Variants in TENM4 observed in about 807,000 individuals in gnomAD.
TENM4 encodes the protein teneurin-4.
In TENM4, 82 loss-of-function variants were observed where a neutral mutation model predicts 243.3. The observed-to-expected ratio is 0.34, with a 90% CI of 0.28 to 0.40. The LOEUF (loss-of-function observed/expected upper bound fraction) is 0.40, where lower values mean the gene tolerates loss of function less well. TENM4 is among the 10% of genes least tolerant of loss of function. The pLI is 1.00. For missense variants in TENM4, 3,138 were observed against 3,673.3 expected, an observed-to-expected ratio of 0.85 and a Z score of 3.77; for synonymous variants, 1,412 against 1,456.3, an observed-to-expected ratio of 0.97 and a Z score of 0.69.
intron 2 of TENM4, among the ~76,000 whole-genome samples, chr11:79,267,615 G>C (rs1221086592): frequency 7.2e-5 from 11 of 152,150 alleles, no homozygotes; most frequent in South Asian, 2.1e-4. Flanking sequence ...CTGTAAAAGA[G>C]GATAATCATC....
At chr11:79,162,340 T>A (rs975736044) in intron 3 of TENM4, among the ~76,000 whole-genome samples, 2 of 152,212 alleles carry the variant, frequency 1.3e-5, no homozygotes, top group African/African-American at 2.4e-5. Context: ...GAATAGTACC[T>A]ACCTTATAGA....
chr11:78,732,487 T>C lies in TENM4; in HGVS notation c.2967A>G (p.Pro989=). The C allele has an allele frequency of 6.2e-7, 1 of 1,613,704 alleles. No homozygotes were observed. Among genetic ancestry groups the C allele is most frequent in the South Asian group, 1.1e-5 (1 of 91,004 alleles). The part of the protein sequence containing the change: ...FITQEHTLWL[P]WDRFFVMETI... ...TTTCCATGACAAAGAAGCGATCCCA[T>C]GGCAGCCACAGGGTGTGCTCCTGTG... The change falls in exon 21 of 34, where the codon CCA becomes CCG. Residue 989 remains proline, a synonymous_variant. Transcript: ENST00000278550.
chr11:79,172,581 CCTT>C (rs1863069715), intron 3 of TENM4, among the ~76,000 whole-genome samples: 3 of 152,158 alleles, frequency 2.0e-5, no homozygotes, highest in Admixed American at 6.5e-5. Flanking sequence ...TCCTTTGTGT[CCTT>C]CTCTGATTTC....
At chr11:79,308,577 A>AT (rs1856665394) in intron 1 of TENM4, among the ~76,000 whole-genome samples, 1 of 152,212 alleles carries the variant, frequency 6.6e-6, no homozygotes, top group Non-Finnish European at 1.5e-5. Context: ...ACTTTCAGTT[A>AT]TTTTTTCCCA....
intron 6 of TENM4, among the ~76,000 whole-genome samples, chr11:79,029,511 T>G: frequency 6.6e-6 from 1 of 152,206 alleles, no homozygotes; most frequent in East Asian, 1.9e-4. Context: ...TCTGAATCAT[T>G]AAATCATTCT....
intron 2 of TENM4, among the ~76,000 whole-genome samples, chr11:79,278,400 G>C (rs957973993): frequency 6.6e-6 from 1 of 152,098 alleles, no homozygotes; most frequent in Admixed American, 6.5e-5. Context: ...TTAATTTTTG[G>C]CACCTGGAGA....
At chr11:78,852,711 G>A (rs1858568945) in intron 12 of TENM4, among the ~76,000 whole-genome samples, 1 of 152,130 alleles carries the variant, frequency 6.6e-6, no homozygotes, top group African/African-American at 2.4e-5. Context: ...CCAGGGTCTT[G>A]TAAGAGTTTT....
intron 1 of TENM4, among the ~76,000 whole-genome samples, chr11:79,436,601 T>TCTAC (rs766919345): frequency 2.6e-5 from 4 of 152,198 alleles, no homozygotes; most frequent in Non-Finnish European, 5.9e-5. Context: ...CACCTAGCCT[T>TCTAC]CTACCTCATA....
chr11:79,122,643 G>A (rs950223462), intron 4 of TENM4, among the ~76,000 whole-genome samples: 76 of 152,164 alleles, frequency 5.0e-4, no homozygotes, highest in Non-Finnish European at 2.6e-4. Flanking sequence ...TGGCCTGTAA[G>A]CCAGGTTTGA....
chr11:79,235,946 T>C (rs1031303681), intron 2 of TENM4, among the ~76,000 whole-genome samples: 4 of 152,140 alleles, frequency 2.6e-5, no homozygotes, highest in Non-Finnish European at 5.9e-5. Context: ...GTTCAAGCTC[T>C]TCCTTCTGTG....
At chr11:78,911,769 G>A (rs559849612) in intron 6 of TENM4, among the ~76,000 whole-genome samples, 155 of 152,302 alleles carry the variant, frequency 1.0e-3, no homozygotes, top group Non-Finnish European at 1.9e-3. Context: ...CTCACCAGAT[G>A]TGGCCCCCTG....
chr11:78,835,333 CT>C (rs2136157630), intron 12 of TENM4, among the ~76,000 whole-genome samples: 1 of 152,264 alleles, frequency 6.6e-6, no homozygotes, highest in East Asian at 1.9e-4. Flanking sequence ...TGGTGAAACC[CT>C]GTCTCTACTA....
Position 78,701,579 on chromosome 11 carries a change from A to C in TENM4, c.5034T>G (p.Asn1678Lys), listed in dbSNP as rs1859104574. 2 of 1,601,590 alleles carry C rather than the reference A, an allele frequency of 1.2e-6. No individual in the cohort carries two copies. Among genetic ancestry groups the C allele is most frequent in the African/African-American group, 2.7e-5 (2 of 74,716 alleles). ...TGCTTTTGGTTGCCAGAAGGCCGGA[A>C]TTGCCATGGTATGTCATCATGGCCA... ...HELAMMTYHG[N>K]SGLLATKSNE... is the part of the protein sequence containing the mutation. The change falls in exon 28 of 34, where the codon AAT (asparagine) becomes AAG (lysine). Residue 1678 changes from asparagine (N) to lysine (K), a missense_variant. Around this residue, in one of 2 missense-constraint regions of TENM4, gnomAD observed 2,467 missense variants for 3,059.1 expected, o/e 0.81. Coordinates refer to ENST00000278550, the MANE Select transcript of TENM4 (RefSeq NM_001098816.3).
chr11:79,208,588 T>C (rs972436767), intron 3 of TENM4, among the ~76,000 whole-genome samples: 1 of 152,220 alleles, frequency 6.6e-6, no homozygotes. Flanking sequence ...CTTGATCCAA[T>C]TCCAGACTCC....
At chr11:78,871,852 G>T (rs976218209) in intron 9 of TENM4, among the ~76,000 whole-genome samples, 21 of 152,108 alleles carry the variant, frequency 1.4e-4, no homozygotes, top group African/African-American at 5.1e-4. Context: ...GGGTGAAGAA[G>T]AAAGCAAGGA....
chr11:79,331,505 C>A (rs1313402807), intron 1 of TENM4, among the ~76,000 whole-genome samples: 2 of 152,172 alleles, frequency 1.3e-5, no homozygotes, highest in African/African-American at 2.4e-5. Context: ...GGGGCGCCAA[C>A]CACAGTGACC....
rs1293510202 is a variant in TENM4, at chr11:79,185,548, G to C, written c.-163+30260C>G. ...ACCAGCGAATGGCATGGTGCCATTT[G>C]ACTCTTGGTGCCAGGAGGAGACAAT... On this transcript the variant is annotated intron_variant, in intron 3 of 33. Transcript: ENST00000278550. Among the ~76,000 whole-genome samples, 4 of 152,124 alleles carry C rather than the reference G, an allele frequency of 2.6e-5. No homozygotes were observed. In the East Asian group the frequency reaches 7.7e-4, roughly 29 times the overall value.
chr11:79,006,709 T>C (rs1369034930), intron 6 of TENM4, among the ~76,000 whole-genome samples: 1 of 152,204 alleles, frequency 6.6e-6, no homozygotes, highest in Non-Finnish European at 1.5e-5. Context: ...TTGCTATCTT[T>C]TGTTACAAAG....
intron 6 of TENM4, among the ~76,000 whole-genome samples, chr11:78,973,012 T>G (rs1161465901): frequency 6.6e-6 from 1 of 152,244 alleles, no homozygotes; most frequent in African/African-American, 2.4e-5. Context: ...GATTAGGATT[T>G]CATTTCATTT....
Sources: gnomAD v4.1 joint callset for allele counts (sites outside exome capture counted in the v4.1 genomes callset) on GRCh38, gnomAD v4.1.1 for gene constraint, gnomAD v4.1.1 regional missense constraint, MANE v1.5 for transcripts, NCBI Gene and HGNC (gene_info 2026-07-23, HGNC 2026-07-21) for gene names.